The following NHLRC1 variants were observed in gnomAD, a reference collection of about 807,000 sequenced individuals.
NHLRC1 encodes the protein NHL repeat containing E3 ubiquitin protein ligase 1.
NHLRC1 carries 10 observed loss-of-function variants against 14.6 expected under a neutral mutation model. The ratio of observed to expected loss-of-function variants is 0.69; its 90% CI spans 0.42 to 1.17. The LOEUF (loss-of-function observed/expected upper bound fraction) is 1.17, where lower values mean the gene tolerates loss of function less well. Among genes scored for constraint, NHLRC1 ranks in the 50% most tolerant of loss-of-function variants. The pLI is 0.00. For missense variants in NHLRC1, 526 were observed against 522.9 expected (o/e 1.01, Z -0.06); for synonymous variants, 231 against 224.0 (o/e 1.03, Z -0.28).
chr6:18,121,909 T>G lies in NHLRC1; in HGVS notation c.698A>C (p.Asp233Ala). 6.2e-7 allele frequency: 1 copy of G among 1,614,148 alleles called. No homozygotes were observed. The highest frequency in any genetic ancestry group is 8.5e-7 in the Non-Finnish European group (1 of 1,180,010). ...GAGGTGCAGGGACCCTGCCTCCGCA[T>G]CAGTTACCACAATCCCATTCTGAGG... ...TTPQNGIVVT[D>A]AEAGSLHLLD... The change falls in exon 1 of 1, where the codon GAT becomes GCT. Residue 233 changes from aspartate to alanine, a missense_variant. Coordinates refer to ENST00000340650, the MANE Select transcript of NHLRC1 (RefSeq NM_198586.3). This position sits in a 1 kb window ranked among gnomAD's most constrained non-coding sequence, Gnocchi z 4.7.
In NHLRC1 at chr6:18,121,818, A is replaced by G; in HGVS notation, c.789T>C (p.Asn263=). 1 of 1,613,988 alleles carries G rather than the reference A, an allele frequency of 6.2e-7. No individual in the cohort carries two copies. Among genetic ancestry groups the G allele is most frequent in the Non-Finnish European group, 8.5e-7 (1 of 1,180,024 alleles). The change falls in exon 1 of 1, where the codon AAT becomes AAC. Residue 263 remains asparagine, a synonymous_variant. Transcript: ENST00000340650. The surrounding 1 kb of genome is among the most constrained non-coding windows in gnomAD (Gnocchi z 4.7). ...RTERLQAHLC[N]PRGVAVSWLT... ...GCCAAGACACTGCCACCCCTCGGGG[A>G]TTGCACAGATGAGCTTGCAACCTTT...
In NHLRC1 at chr6:18,121,954, G is replaced by A; in HGVS notation, c.653C>T (p.Pro218Leu). The change falls in exon 1 of 1, where the codon CCT becomes CTT. Residue 218 changes from proline (P) to leucine (L), a missense_variant. Transcript: ENST00000340650. The surrounding 1 kb of genome is among the most constrained non-coding windows in gnomAD (Gnocchi z 4.7). The stretch of plus-strand genomic sequence containing the variant: ...CTGAGGGGTGGTCTCCACACCCCAA[G>A]GTAAGGAGAATTGGCCTCCAATGAC... ...KLVIGGQFSL[P>L]WGVETTPQNG... The A allele has an allele frequency of 6.2e-7, 1 of 1,614,232 alleles. No homozygotes were observed. Among genetic ancestry groups the A allele is most frequent in the Non-Finnish European group, 8.5e-7 (1 of 1,180,056 alleles).
chr6:18,121,491 G>C lies in NHLRC1; in HGVS notation c.1116C>G (p.Thr372=). 1.2e-6 allele frequency: 2 copies of C among 1,614,162 alleles called. No homozygotes were observed. Among genetic ancestry groups the C allele is most frequent in the East Asian group, 4.5e-5 (2 of 44,876 alleles). ...CCAGCACAAGAAGAGAATTCTCCTT[G>C]GTGAAGGTAAGAGCCACAGGATGCG... The part of the protein sequence containing the change: ...GLSHPVALTF[T]KENSLLVLDT... The change falls in exon 1 of 1, where the codon ACC becomes ACG. Residue 372 remains threonine (T), a synonymous_variant. Transcript: ENST00000340650. This position sits in a 1 kb window ranked among gnomAD's most constrained non-coding sequence, Gnocchi z 4.7.
Position 18,121,878 on chromosome 6 carries a change from G to C in NHLRC1, c.729C>G (p.Asp243Glu), listed in dbSNP as rs146420615. 4 of 1,614,108 alleles carry C rather than the reference G, an allele frequency of 2.5e-6. No individual in the cohort carries two copies. The highest frequency in any genetic ancestry group is 2.5e-6 in the Non-Finnish European group (3 of 1,180,018). ...DAEAGSLHLL[D>E]VDFAEGVLRR... Reference sequence around the variant, plus strand: ...GAAGGACCCCTTCCGCGAAGTCGACGTCCAGGAGGTGCAGGGACCCTGCCT... The same window carrying C: ...GAAGGACCCCTTCCGCGAAGTCGACCTCCAGGAGGTGCAGGGACCCTGCCT... Residue 243 changes from aspartate (D) to glutamate (E), a missense_variant, in exon 1 of 1, where the codon GAC becomes GAG. By Grantham distance (45) the Asp-to-Glu change is conservative. Coordinates refer to ENST00000340650, the MANE Select transcript of NHLRC1 (RefSeq NM_198586.3). The surrounding 1 kb of genome is among the most constrained non-coding windows in gnomAD (Gnocchi z 4.7).
In NHLRC1 at chr6:18,121,626, A is replaced by C; in HGVS notation, c.981T>G (p.Phe327Leu). 6.2e-7 allele frequency: 1 copy of C among 1,614,210 alleles called. No homozygotes were observed. ...PSKITASAVT[F>L]DHQGNVIVAD... ...CAACAATCACATTTCCCTGGTGATC[A>C]AAGGTCACAGCGGAGGCAGTTATTT... Residue 327 changes from phenylalanine (F) to leucine (L), a missense_variant, in exon 1 of 1, where the codon TTT becomes TTG. Coordinates refer to ENST00000340650, the MANE Select transcript of NHLRC1 (RefSeq NM_198586.3). The surrounding 1 kb of genome is among the most constrained non-coding windows in gnomAD (Gnocchi z 4.7).
chr6:18,121,422 C>T lies in NHLRC1; in HGVS notation c.1185G>A (p.Gly395=), dbSNP rs760726977. 10 of 1,612,308 alleles carry T rather than the reference C, an allele frequency of 6.2e-6. No individual in the cohort carries two copies. Among genetic ancestry groups the T allele is most frequent in the Admixed American group, 1.7e-5 (1 of 60,006 alleles). Residue 395 remains glycine (G), a synonymous_variant, in exon 1 of 1, where the codon GGG becomes GGA. Coordinates refer to ENST00000340650, the MANE Select transcript of NHLRC1 (RefSeq NM_198586.3). The surrounding 1 kb of genome is among the most constrained non-coding windows in gnomAD (Gnocchi z 4.7). ...HSIKVYKVDW[G] is the part of the protein sequence containing the mutation. ...TCCAGGGACCCACCCCAGCCCATCA[C>T]CCCCAGTCAACTTTATAGACTTTTA... is the stretch of plus-strand genomic sequence containing the variant.
chr6:18,121,220 T>G lies in NHLRC1; in HGVS notation c.*199A>C. On this transcript the variant is annotated 3_prime_UTR_variant, in exon 1 of 1. Coordinates refer to ENST00000340650, the MANE Select transcript of NHLRC1 (RefSeq NM_198586.3). The surrounding 1 kb of genome is among the most constrained non-coding windows in gnomAD (Gnocchi z 4.7). ...ATAGTACAGATTAAATAAGCTAATA[T>G]TTGCAAATTTCCTTGCACAGAGTAT... The G allele has an allele frequency of 1.7e-6, 1 of 604,900 alleles. No individual in the cohort carries two copies. The highest frequency in any genetic ancestry group is 2.9e-5 in the Admixed American group (1 of 34,260). 37.5% of individuals were successfully genotyped at this position (604,900 alleles called of 1,614,324 possible). A position where few individuals can be genotyped will look rare whatever the true frequency, so the allele number is the denominator to read the frequency against.
chr6:18,121,014 A>C lies in NHLRC1; in HGVS notation c.*405T>G. The C allele has an allele frequency of 4.5e-6, 1 of 221,966 alleles. No homozygotes were observed. Among genetic ancestry groups the C allele is most frequent in the South Asian group, 6.6e-5 (1 of 15,124 alleles). 13.7% of individuals were successfully genotyped at this position (221,966 alleles called of 1,614,324 possible). On this transcript the variant is annotated 3_prime_UTR_variant, in exon 1 of 1. Transcript: ENST00000340650. This position sits in a 1 kb window ranked among gnomAD's most constrained non-coding sequence, Gnocchi z 4.7. ...GGTGAAACCCCATCTCTGCCAAAAT[A>C]CAAAAATTAGCTGAGTGTGGTAATG...
chr6:18,122,635 G>T lies in NHLRC1; in HGVS notation c.-29C>A, dbSNP rs1377107423. On this transcript the variant is annotated 5_prime_UTR_variant, in exon 1 of 1. Coordinates refer to ENST00000340650, the MANE Select transcript of NHLRC1 (RefSeq NM_198586.3). ...GCGTCCTGTGCACTCCCGCCGCGCC[G>T]CCTGGCCGTGCCCCAGCGACGCTCT... 3.7e-5 allele frequency: 58 copies of T among 1,561,864 alleles called. No homozygotes were observed. Among genetic ancestry groups the T allele is most frequent in the Non-Finnish European group, 4.9e-5 (56 of 1,154,168 alleles).
chr6:18,122,251 G>T lies in NHLRC1; in HGVS notation c.356C>A (p.Thr119Asn). The change falls in exon 1 of 1, where the codon ACC becomes AAC. Residue 119 changes from threonine to asparagine, a missense_variant. Thr to Asn is a moderately conservative substitution (Grantham distance 65). Coordinates refer to ENST00000340650, the MANE Select transcript of NHLRC1 (RefSeq NM_198586.3). The part of the protein sequence containing the change: ...SAPGALTCHH[T>N]FGGWGTLVNP... ...GACCAGGGTCCCCCAGCCGCCGAAG[G>T]TGTGGTGGCAGGTGAGGGCTCCGGG... 1 of 1,608,872 alleles carries T rather than the reference G, an allele frequency of 6.2e-7. No homozygotes were observed. Among genetic ancestry groups the T allele is most frequent in the Non-Finnish European group, 8.5e-7 (1 of 1,179,848 alleles).
At position 18,122,556 on chromosome 6, in the gene NHLRC1, G is replaced by A. The variant is rs1282199944; in HGVS notation, c.51C>T (p.Arg17=). The change falls in exon 1 of 1, where the codon CGC becomes CGT. Residue 17 remains arginine (R), a synonymous_variant. Transcript: ENST00000340650. ...ACTCGAGCAGGCTGATCTCCGCCTC[G>A]CGCATGAGCTCATGCAGCGCTGGCC... ...ESGPALHELM[R]EAEISLLECK... 1 of 1,597,312 alleles carries A rather than the reference G, an allele frequency of 6.3e-7. No homozygotes were observed. Among genetic ancestry groups the A allele is most frequent in the East Asian group, 2.2e-5 (1 of 44,848 alleles).
rs1381085176 is a variant in NHLRC1 at position 18,121,701 on chromosome 6, C to T, written c.906G>A (p.Gln302=). ...CAAAGGTATCCACTTGGCCGACAAGCTGCATACTTGAGCTAAACACTTTCA... is the reference window on the plus strand; with the variant it reads ...CAAAGGTATCCACTTGGCCGACAAGTTGCATACTTGAGCTAAACACTTTCA... The part of the protein sequence containing the change: ...TRVKVFSSSM[Q]LVGQVDTFGL... Residue 302 remains glutamine, a synonymous_variant, in exon 1 of 1, where the codon CAG becomes CAA. Coordinates refer to ENST00000340650, the MANE Select transcript of NHLRC1 (RefSeq NM_198586.3). The surrounding 1 kb of genome is among the most constrained non-coding windows in gnomAD (Gnocchi z 4.7). 1 of 1,614,112 alleles carries T rather than the reference C, an allele frequency of 6.2e-7. No individual in the cohort carries two copies. Among genetic ancestry groups the T allele is most frequent in the South Asian group, 1.1e-5 (1 of 91,084 alleles).
At position 18,122,491 on chromosome 6, in the gene NHLRC1, C is replaced by A; in HGVS notation, c.116G>T (p.Arg39Leu). 2.5e-6 allele frequency: 4 copies of A among 1,597,198 alleles called. No homozygotes were observed. Among genetic ancestry groups the A allele is most frequent in the Non-Finnish European group, 3.4e-6 (4 of 1,179,510 alleles). The change falls in exon 1 of 1, where the codon CGG (arginine) becomes CTG (leucine). Residue 39 changes from arginine (R) to leucine (L), a missense_variant. Coordinates refer to ENST00000340650, the MANE Select transcript of NHLRC1 (RefSeq NM_198586.3). Reference sequence around the variant, plus strand: ...GCCGCAGGACAGGTTGCGCGGGCGCCGCTGCTGCCGGTGGCCAAACTTCTC... The same window carrying A: ...GCCGCAGGACAGGTTGCGCGGGCGCAGCTGCTGCCGGTGGCCAAACTTCTC... ...CFEKFGHRQQ[R>L]RPRNLSCGHV...
At position 18,121,807 on chromosome 6, in the gene NHLRC1, AC is replaced by A. The variant is rs1362520746; in HGVS notation, c.799del (p.Val267TrpfsTer28). 1 of 1,613,810 alleles carries A rather than the reference AC, an allele frequency of 6.2e-7. No homozygotes were observed. Among genetic ancestry groups the A allele is most frequent in the African/African-American group, 1.3e-5 (1 of 74,890 alleles). On this transcript the variant is annotated frameshift_variant, in exon 1 of 1. Coordinates refer to ENST00000340650, the MANE Select transcript of NHLRC1 (RefSeq NM_198586.3). LOFTEE classifies it high-confidence loss of function. This position sits in a 1 kb window ranked among gnomAD's most constrained non-coding sequence, Gnocchi z 4.7. ...LQAHLCNPRG[V>X]AVSWLTGAIA... is the part of the protein sequence containing the mutation. Reference sequence around the variant, plus strand: ...GGCCCCGGTGAGCCAAGACACTGCCACCCCTCGGGGATTGCACAGATGAGCT... The same window carrying A: ...GGCCCCGGTGAGCCAAGACACTGCCACCCTCGGGGATTGCACAGATGAGCT...
Position 18,122,288 on chromosome 6 carries a change from C to A in NHLRC1, c.319G>T (p.Ala107Ser). 1 of 1,597,416 alleles carries A rather than the reference C, an allele frequency of 6.3e-7. No individual in the cohort carries two copies. The highest frequency in any genetic ancestry group is 8.5e-7 in the Non-Finnish European group (1 of 1,177,588). The change falls in exon 1 of 1, where the codon GCC (alanine) becomes TCC (serine). Residue 107 changes from alanine to serine, a missense_variant. Transcript: ENST00000340650. Reference protein sequence around the residue: ...LRQSPAAHRAAPSAPGALTCH... With the variant: ...LRQSPAAHRASPSAPGALTCH... The stretch of plus-strand genomic sequence containing the variant: ...GTGAGGGCTCCGGGGGCGCTGGGGG[C>A]GGCGCGATGGGCGGCCGGGGACTGG...
In NHLRC1 at chr6:18,122,615, C is replaced by G. The variant is rs747802378; in HGVS notation, c.-9G>C. On this transcript the variant is annotated 5_prime_UTR_variant, in exon 1 of 1. Coordinates refer to ENST00000340650, the MANE Select transcript of NHLRC1 (RefSeq NM_198586.3). The stretch of plus-strand genomic sequence containing the variant: ...GAGGCTTCGGCCGCCATGGCGCGTC[C>G]TGTGCACTCCCGCCGCGCCGCCTGG... 6.3e-7 allele frequency: 1 copy of G among 1,588,596 alleles called. No homozygotes were observed. The highest frequency in any genetic ancestry group is 2.2e-5 in the East Asian group (1 of 44,530).
rs914425249 is a variant in NHLRC1, at chr6:18,122,649, C to T, written c.-43G>A. ...CCCGCCGCGCCGCCTGGCCGTGCCC[C>T]AGCGACGCTCTCGGTCACGGTCACA... On this transcript the variant is annotated 5_prime_UTR_variant, in exon 1 of 1. Transcript: ENST00000340650. 3.9e-6 allele frequency: 6 copies of T among 1,536,776 alleles called. No individual in the cohort carries two copies. In the African/African-American group the frequency reaches 4.1e-5, roughly 10 times the overall value.
rs1561881403 is a variant in NHLRC1 at position 18,121,314 on chromosome 6, A to T, written c.*105T>A. On this transcript the variant is annotated 3_prime_UTR_variant, in exon 1 of 1. Coordinates refer to ENST00000340650, the MANE Select transcript of NHLRC1 (RefSeq NM_198586.3). This position sits in a 1 kb window ranked among gnomAD's most constrained non-coding sequence, Gnocchi z 4.7. ...CTTTGTAAGTCTGCCAGATGGTTTT[A>T]ATTATCCCTGCCTGGATAGATGAGT... 1 of 832,522 alleles carries T rather than the reference A, an allele frequency of 1.2e-6. No individual in the cohort carries two copies. The highest frequency in any genetic ancestry group is 2.6e-5 in the East Asian group (1 of 38,368). The allele number at this position is 832,522 out of a possible 1,614,324, so 51.6% of individuals were successfully genotyped here.
In NHLRC1 at chr6:18,121,855, A is replaced by G; in HGVS notation, c.752T>C (p.Leu251Pro). 6.2e-7 allele frequency: 1 copy of G among 1,614,070 alleles called. No homozygotes were observed. Among genetic ancestry groups the G allele is most frequent in the Non-Finnish European group, 8.5e-7 (1 of 1,180,018 alleles). The change falls in exon 1 of 1, where the codon CTT (leucine) becomes CCT (proline). Residue 251 changes from leucine to proline, a missense_variant. Transcript: ENST00000340650. The surrounding 1 kb of genome is among the most constrained non-coding windows in gnomAD (Gnocchi z 4.7). ...LLDVDFAEGV[L>P]RRTERLQAHL... ...AGCTTGCAACCTTTCAGTTCTCCGAAGGACCCCTTCCGCGAAGTCGACGTC... is the reference window on the plus strand; with the variant it reads ...AGCTTGCAACCTTTCAGTTCTCCGAGGGACCCCTTCCGCGAAGTCGACGTC...
Sources: allele counts gnomAD v4.1 joint callset, GRCh38; gene constraint gnomAD v4.1.1; non-coding constraint Gnocchi (gnomAD v3.1); transcripts MANE v1.5; gene names NCBI Gene and HGNC (gene_info 2026-07-23, HGNC 2026-07-21).